SLC35F1: variants seen among roughly 807,000 people sequenced by gnomAD.
The protein encoded by SLC35F1 is chromosome 6 open reading frame 169.
SLC35F1 carries 14 observed loss-of-function variants against 48.7 expected under a neutral mutation model. The ratio of observed to expected loss-of-function variants is 0.29; its 90% confidence interval spans 0.19 to 0.45. The LOEUF (loss-of-function observed/expected upper bound fraction) is 0.45, where lower values mean the gene tolerates loss of function less well. Among genes scored for constraint, SLC35F1 ranks in the 20% least tolerant of loss-of-function variants. SLC35F1 has a pLI of 1.00. For synonymous variants in SLC35F1, 190 were observed against 202.2 expected (o/e 0.94, Z 0.51); for missense variants, 404 against 500.0 (o/e 0.81, Z 1.83).
chr6:118,308,264 A>C (rs1465407626), intron 7 of SLC35F1, among the ~76,000 whole-genome samples: 1 of 152,216 alleles, frequency 6.6e-6, no homozygotes, highest in Non-Finnish European at 1.5e-5. Flanking sequence ...GTTAGCGTGC[A>C]AGTTGATTTA....
intron 1 of SLC35F1, among the ~76,000 whole-genome samples, chr6:117,985,727 A>C (rs1003713322): frequency 6.6e-6 from 1 of 152,236 alleles, no homozygotes. Flanking sequence ...AAGTCTTTCA[A>C]TTAGTGAAGA....
rs371042048 is a variant in SLC35F1, at chr6:117,994,240, A to C, written c.173+86341A>C. On this transcript the variant is annotated intron_variant, in intron 1 of 7. Coordinates refer to ENST00000360388, the MANE Select transcript of SLC35F1 (RefSeq NM_001029858.4). ...TCAACAGCAATGTCACATTGCTGAG[A>C]ACATTATACTTTAAATCTCTTTAAC... 1.4e-4 allele frequency among the ~76,000 whole-genome samples: 22 copies of C among 152,070 alleles called. No homozygotes were observed. The East Asian group carries it at 3.1e-3, about 21-fold the overall frequency.
At chr6:118,036,619 A>G (rs766508408) in intron 1 of SLC35F1, among the ~76,000 whole-genome samples, 2 of 152,098 alleles carry the variant, frequency 1.3e-5, no homozygotes, top group African/African-American at 4.8e-5. Context: ...GTGCAGTGGC[A>G]TGATCATGGC....
At chr6:118,161,843 C>A (rs937835905) in intron 2 of SLC35F1, among the ~76,000 whole-genome samples, 17 of 152,180 alleles carry the variant, frequency 1.1e-4, no homozygotes, top group African/African-American at 4.1e-4. Context: ...GAGAAAGTCA[C>A]ACAAGAAAAT....
At chr6:118,196,204 G>T (rs116276422) in intron 2 of SLC35F1, among the ~76,000 whole-genome samples, 4 of 152,326 alleles carry the variant, frequency 2.6e-5, no homozygotes, top group African/African-American at 7.2e-5. Flanking sequence ...GTGAGTGGTT[G>T]AAGTATTGCT....
intron 1 of SLC35F1, among the ~76,000 whole-genome samples, chr6:118,078,702 G>A (rs975187817): frequency 6.6e-6 from 1 of 151,938 alleles, no homozygotes; most frequent in Admixed American, 6.6e-5. Context: ...TGTAACATAG[G>A]GTCTCCTCTA....
chr6:118,221,420 C>T (rs1775149491), intron 2 of SLC35F1, among the ~76,000 whole-genome samples: 1 of 152,106 alleles, frequency 6.6e-6, no homozygotes, highest in Non-Finnish European at 1.5e-5. Flanking sequence ...CCAAGTATTC[C>T]TCCTGACCTC....
intron 4 of SLC35F1, among the ~76,000 whole-genome samples, chr6:118,275,020 A>G (rs1775903470): frequency 6.6e-6 from 1 of 152,198 alleles, no homozygotes; most frequent in Non-Finnish European, 1.5e-5. Flanking sequence ...GCATATATTC[A>G]TAGACATTAG....
At chr6:118,207,747 T>C (rs553102335) in intron 2 of SLC35F1, among the ~76,000 whole-genome samples, 2 of 152,320 alleles carry the variant, frequency 1.3e-5, no homozygotes, top group South Asian at 4.1e-4. Flanking sequence ...GCTATTTCTC[T>C]TGCCACCTCG....
At chr6:117,955,440 A>G (rs1427287037) in intron 1 of SLC35F1, among the ~76,000 whole-genome samples, 1 of 152,230 alleles carries the variant, frequency 6.6e-6, no homozygotes, top group East Asian at 1.9e-4. Context: ...TGGATACCAC[A>G]CTCAGAGAGG....
chr6:118,187,492 A>T (rs1774673871), intron 2 of SLC35F1, among the ~76,000 whole-genome samples: 1 of 152,196 alleles, frequency 6.6e-6, no homozygotes, highest in Admixed American at 6.5e-5. Flanking sequence ...TCATGACAAG[A>T]CTTCTTCAAT....
chr6:118,096,026 G>C (rs1231907301), intron 1 of SLC35F1, among the ~76,000 whole-genome samples: 1 of 152,126 alleles, frequency 6.6e-6, no homozygotes, highest in Non-Finnish European at 1.5e-5. Context: ...CATGTGAGAG[G>C]CATAATATGG....
At chr6:118,266,958 A>T in intron 3 of SLC35F1, 37 bp from the exon 4 acceptor site, 1 of 1,607,472 alleles carries the variant, frequency 6.2e-7, no homozygotes, top group Non-Finnish European at 8.5e-7. Flanking sequence ...TTCCTCCTGA[A>T]TCTCCTGTTG....
At chr6:118,237,010 C>G (rs1199581256) in intron 3 of SLC35F1, among the ~76,000 whole-genome samples, 1 of 152,050 alleles carries the variant, frequency 6.6e-6, no homozygotes, top group African/African-American at 2.4e-5. Flanking sequence ...TTCATCCTCT[C>G]CAAGATGAAA....
chr6:118,032,277 C>T (rs1772065429), intron 1 of SLC35F1, among the ~76,000 whole-genome samples: 1 of 152,068 alleles, frequency 6.6e-6, no homozygotes, highest in South Asian at 2.1e-4. Flanking sequence ...TGAGGGTGGA[C>T]ATGGAAGGCA....
intron 1 of SLC35F1, among the ~76,000 whole-genome samples, chr6:117,921,651 C>A (rs1442010233): frequency 6.6e-6 from 1 of 152,174 alleles, no homozygotes; most frequent in Non-Finnish European, 1.5e-5. Flanking sequence ...CTTGCTAGCA[C>A]TAGTTTTAGA....
At chr6:118,176,990 C>A (rs1047086446) in intron 2 of SLC35F1, among the ~76,000 whole-genome samples, 4 of 152,060 alleles carry the variant, frequency 2.6e-5, no homozygotes, top group African/African-American at 9.7e-5. Context: ...TATTACCAAG[C>A]AGCTAGTTCT....
intron 1 of SLC35F1, among the ~76,000 whole-genome samples, chr6:118,035,453 A>T (rs1344692630): frequency 6.6e-6 from 1 of 151,224 alleles, no homozygotes; most frequent in South Asian, 2.1e-4. Context: ...CTAAAAAAAA[A>T]AACCCAAAAA....
chr6:118,299,689 T>A (rs1440623278), intron 7 of SLC35F1, among the ~76,000 whole-genome samples: 1 of 152,216 alleles, frequency 6.6e-6, no homozygotes, highest in East Asian at 1.9e-4. Flanking sequence ...TGATTTATGT[T>A]GGTGGAAAAG....
Sources: gnomAD v4.1 joint callset for allele counts (sites outside exome capture counted in the v4.1 genomes callset) on GRCh38, gnomAD v4.1.1 for gene constraint, MANE v1.5 for transcripts, NCBI Gene and HGNC (gene_info 2026-07-23, HGNC 2026-07-21) for gene names.